Variants in TTC3 observed in about 807,000 individuals in gnomAD.
TTC3 encodes the protein E3 ubiquitin-protein ligase TTC3.
A neutral mutation model predicts 249.6 loss-of-function variants in TTC3; 180 were observed. That is an observed-to-expected ratio of 0.72 (90% CI 0.64 to 0.82). TTC3 has a LOEUF of 0.82. Among genes scored for constraint, TTC3 ranks in the 40% least tolerant of loss-of-function variants. TTC3 has a pLI of 0.00. For missense variants in TTC3, 2,061 were observed against 2,398.4 expected (o/e 0.86, Z 2.94); for synonymous variants, 717 against 805.0 (o/e 0.89, Z 1.85).
At chr21:37,148,484 TAGTG>T (rs1028005853) in intron 22 of TTC3, 58 bp from the exon 23 acceptor site, 4 of 795,106 alleles carry the variant, frequency 5.0e-6, no homozygotes, top group Non-Finnish European at 7.9e-6. Context: ...ATGTATGTTG[TAGTG>T]AGTGAGTGTG....
chr21:37,165,400 C>T, intron 32 of TTC3, 150 bp from the exon 33 acceptor site: 1 of 602,978 alleles, frequency 1.7e-6, no homozygotes, highest in Non-Finnish European at 2.8e-6. Flanking sequence ...TGCAGTTAAC[C>T]TTATGTTTGT....
chr21:37,177,304 C>G (rs944850432), intron 35 of TTC3, among the ~76,000 whole-genome samples: 2 of 152,182 alleles, frequency 1.3e-5, no homozygotes, highest in Admixed American at 1.3e-4. Context: ...TTCAGGTCTG[C>G]TCAGACCCCA....
intron 45 of TTC3, 21 bp downstream of exon 45, chr21:37,200,345 T>TGCATGG: frequency 6.2e-7 from 1 of 1,608,964 alleles, no homozygotes; most frequent in South Asian, 1.1e-5. Flanking sequence ...TTTTTGGCCA[T>TGCATGG]CCTTACAGCA....
intron 1 of TTC3, among the ~76,000 whole-genome samples, chr21:37,075,362 A>G (rs2070700991): frequency 1.3e-5 from 2 of 152,234 alleles, no homozygotes; most frequent in Admixed American, 1.3e-4. Flanking sequence ...ACAGTCCTGC[A>G]ATAAATATCT....
chr21:37,186,531 T>TC (rs2083302170), intron 37 of TTC3, among the ~76,000 whole-genome samples: 1 of 152,188 alleles, frequency 6.6e-6, no homozygotes, highest in Non-Finnish European at 1.5e-5. Flanking sequence ...AGACACCATC[T>TC]CCCAGCTCAA....
At chr21:37,198,092 G>C in intron 44 of TTC3, 67 bp downstream of exon 44, 1 of 1,493,488 alleles carries the variant, frequency 6.7e-7, no homozygotes, top group Non-Finnish European at 9.0e-7. Context: ...TTTAATCCAT[G>C]ATTTAGCCCC....
exon 16 of TTC3, chr21:37,129,011 C>T (rs1207638075): frequency 6.3e-7 from 1 of 1,592,328 alleles, no homozygotes; most frequent in Non-Finnish European, 8.5e-7. Flanking sequence ...AGGTCAGCCT[C>T]CAAAACATAA....
chr21:37,125,004 C>CCAG, intron 14 of TTC3, among the ~76,000 whole-genome samples: 1 of 151,962 alleles, frequency 6.6e-6, no homozygotes, highest in Non-Finnish European at 1.5e-5. Context: ...CATTTTGCCG[C>CCAG]TTCTCTTTGT....
rs569672911 is a variant in TTC3 at position 37,184,323 on chromosome 21, T to G, written c.4758-1383T>G. 1.5e-3 allele frequency among the ~76,000 whole-genome samples: 223 copies of G among 152,352 alleles called. 2 individuals are homozygous for G. Among genetic ancestry groups the G allele is most frequent in the African/African-American group, 4.9e-3 (204 of 41,586 alleles). ...GCTGTTAATGATAAGAAATTTTTTT[T>G]CTGTACTAGCATAAAAGTTAATTTC... On this transcript the variant is annotated intron_variant, in intron 36 of 45. Coordinates refer to ENST00000355666, the Ensembl canonical transcript of TTC3.
intron 18 of TTC3, among the ~76,000 whole-genome samples, chr21:37,136,947 T>TGG (rs1049833444): frequency 6.6e-6 from 1 of 152,214 alleles, no homozygotes; most frequent in Non-Finnish European, 1.5e-5. Flanking sequence ...TTAAGAATTA[T>TGG]GCTAATTCAC....
At chr21:37,117,856 A>G (rs2147851659) in intron 11 of TTC3, among the ~76,000 whole-genome samples, 1 of 151,156 alleles carries the variant, frequency 6.6e-6, no homozygotes, top group East Asian at 1.9e-4. Flanking sequence ...AAAAAAAAGA[A>G]AAAAGAAAAA....
At chr21:37,079,858 C>T (rs2147611423) in intron 1 of TTC3, among the ~76,000 whole-genome samples, 1 of 152,136 alleles carries the variant, frequency 6.6e-6, no homozygotes, top group East Asian at 1.9e-4. Context: ...TTTTTAATCT[C>T]TGTTTTATTT....
At chr21:37,094,982 A>T (rs1282429783) in intron 8 of TTC3, among the ~76,000 whole-genome samples, 1 of 152,092 alleles carries the variant, frequency 6.6e-6, no homozygotes, top group African/African-American at 2.4e-5. Context: ...AAAAATTTTT[A>T]AAAATTAGCT....
At chr21:37,187,170 A>C (rs1446866636) in intron 38 of TTC3, 25 bp downstream of exon 38, 2 of 1,495,024 alleles carry the variant, frequency 1.3e-6, no homozygotes, top group Non-Finnish European at 1.8e-6. Flanking sequence ...CTTAGTGACC[A>C]CTATGGCATT....
intron 19 of TTC3, among the ~76,000 whole-genome samples, chr21:37,139,324 G>A (rs1002319599): frequency 5.3e-5 from 8 of 152,122 alleles, no homozygotes; most frequent in African/African-American, 1.9e-4. Context: ...TCAGTGTATA[G>A]ACATGAGCTC....
At chr21:37,114,677 A>G (rs1287965094) in intron 11 of TTC3, among the ~76,000 whole-genome samples, 3 of 152,144 alleles carry the variant, frequency 2.0e-5, no homozygotes, top group Non-Finnish European at 2.9e-5. Flanking sequence ...CCATCCCATT[A>G]CTGGGTATAT....
intron 42 of TTC3, 42 bp downstream of exon 42, chr21:37,196,078 C>A: frequency 6.3e-7 from 1 of 1,597,896 alleles, no homozygotes; most frequent in South Asian, 1.1e-5. Context: ...AATACTTTAT[C>A]GAACTGAGGT....
chr21:37,169,111 A>G (rs1212996055), intron 34 of TTC3, among the ~76,000 whole-genome samples: 2 of 152,198 alleles, frequency 1.3e-5, no homozygotes, highest in Non-Finnish European at 2.9e-5. Context: ...ACATAGATCA[A>G]TCCACCAACC....
At position 37,103,644 on chromosome 21, in the gene TTC3, T is replaced by A. The variant is rs191279250; in HGVS notation, c.846-4748T>A. ...TAACGCTGTTTGTAGTGCTATATAT[T>A]ATAAGTAATGTTCAGCATTGATTCA... On this transcript the variant is annotated intron_variant, in intron 10 of 45. Coordinates refer to ENST00000355666, the Ensembl canonical transcript of TTC3. 1.5e-3 allele frequency among the ~76,000 whole-genome samples: 224 copies of A among 152,328 alleles called. 2 individuals carry two copies. Among genetic ancestry groups the A allele is most frequent in the African/African-American group, 4.9e-3 (205 of 41,568 alleles).
Sources: gnomAD v4.1 joint callset for allele counts (sites outside exome capture counted in the v4.1 genomes callset) on GRCh38, gnomAD v4.1.1 for gene constraint, MANE v1.5 for transcripts, NCBI Gene and HGNC (gene_info 2026-07-23, HGNC 2026-07-21) for gene names.